Variants in CDC42SE1 observed in about 807,000 individuals in gnomAD.
CDC42SE1 encodes the protein CDC42 small effector 1.
CDC42SE1 carries 10 observed loss-of-function variants against 10.9 expected under a neutral mutation model. The observed-to-expected ratio is 0.92, with a 90% CI of 0.57 to 1.56. CDC42SE1 has a LOEUF of 1.56. Among genes scored for constraint, CDC42SE1 ranks in the 40% most tolerant of loss-of-function variants. CDC42SE1 has a pLI of 0.00. For missense variants in CDC42SE1, 81 were observed against 100.8 expected, an observed-to-expected ratio of 0.80 and a Z score of 0.84; for synonymous variants, 24 against 32.0, an observed-to-expected ratio of 0.75 and a Z score of 0.85.
rs1343760722 is a variant in CDC42SE1 at position 151,055,040 on chromosome 1, C to T, written c.141G>A (p.Met47Ile). 3.7e-6 allele frequency: 6 copies of T among 1,613,808 alleles called. No homozygotes were observed. In the African/African-American group the frequency reaches 4.0e-5, roughly 11 times the overall value. The change falls in exon 3 of 5, where the codon ATG (methionine) becomes ATA (isoleucine). Residue 47 changes from methionine (M) to isoleucine (I), a missense_variant. Coordinates refer to ENST00000357235, the MANE Select transcript of CDC42SE1 (RefSeq NM_020239.4). ...CCATGGCAAGTCCATCTCCGGCCCC[C>T]ATCTCCCCTGAGCCAATGTGAGTCA... ...VHLTHIGSGE[M>I]GAGDGLAMTG...
Position 151,055,909 on chromosome 1 carries a change from T to C in CDC42SE1, c.-179A>G, listed in dbSNP as rs954077277. The C allele has an allele frequency of 3.2e-6, 2 of 632,652 alleles. No individual in the cohort carries two copies. Among genetic ancestry groups the C allele is most frequent in the Admixed American group, 2.4e-5 (1 of 41,346 alleles). The allele number at this position is 632,652 out of a possible 1,614,324, so 39.2% of individuals were successfully genotyped here. A position where few individuals can be genotyped will look rare whatever the true frequency, so the allele number is the denominator to read the frequency against. The stretch of plus-strand genomic sequence containing the variant: ...CCTTTAACTGAGCAGTGAAGGTCAG[T>C]GTCTCAGAGCCTGAGAGATGAACAG... On this transcript the variant is annotated 5_prime_UTR_variant, in exon 2 of 5. Transcript: ENST00000357235.
chr1:151,058,895 G>A (rs746838597), intron 1 of CDC42SE1: 2 of 152,392 alleles, frequency 1.3e-5, no homozygotes, highest in Non-Finnish European at 2.9e-5. Flanking sequence ...AGAAAGAATC[G>A]AGAGAATGGC....
chr1:151,055,089 C>T lies in CDC42SE1; in HGVS notation c.92G>A (p.Gly31Glu). The change falls in exon 3 of 5, where the codon GGG (glycine) becomes GAG (glutamate). Residue 31 changes from glycine (G) to glutamate (E), a missense_variant. Physicochemically the swap from Gly to Glu is moderately conservative, Grantham distance 98. Transcript: ENST00000357235. ...CAGGTGAACAAAATTCATTGGTTCCCCAATCATGGTCCGGTCAATCCGTCT... is the reference window on the plus strand; with the variant it reads ...CAGGTGAACAAAATTCATTGGTTCCTCAATCATGGTCCGGTCAATCCGTCT... Reference protein sequence around the residue: ...KRRRIDRTMIGEPMNFVHLTH... With the variant: ...KRRRIDRTMIEEPMNFVHLTH... 1 of 1,613,562 alleles carries T rather than the reference C, an allele frequency of 6.2e-7. No individual in the cohort carries two copies. Among genetic ancestry groups the T allele is most frequent in the East Asian group, 2.2e-5 (1 of 44,840 alleles).
At position 151,055,049 on chromosome 1, in the gene CDC42SE1, T is replaced by G; in HGVS notation, c.132A>C (p.Ser44=). 1 of 1,613,792 alleles carries G rather than the reference T, an allele frequency of 6.2e-7. No individual in the cohort carries two copies. The highest frequency in any genetic ancestry group is 8.5e-7 in the Non-Finnish European group (1 of 1,179,896). The change falls in exon 3 of 5, where the codon TCA becomes TCC. Residue 44 remains serine (S), a synonymous_variant. Transcript: ENST00000357235. ...GTCCATCTCCGGCCCCCATCTCCCC[T>G]GAGCCAATGTGAGTCAGGTGAACAA... is the stretch of plus-strand genomic sequence containing the variant. The part of the protein sequence containing the change: ...MNFVHLTHIG[S]GEMGAGDGLA...
chr1:151,055,082 T>C lies in CDC42SE1; in HGVS notation c.99A>G (p.Pro33=). 6.2e-7 allele frequency: 1 copy of C among 1,613,722 alleles called. No homozygotes were observed. Among genetic ancestry groups the C allele is most frequent in the South Asian group, 1.1e-5 (1 of 91,070 alleles). Residue 33 remains proline, a synonymous_variant, in exon 3 of 5, where the codon CCA becomes CCG. Transcript: ENST00000357235. The stretch of plus-strand genomic sequence containing the variant: ...TGTGAGTCAGGTGAACAAAATTCAT[T>C]GGTTCCCCAATCATGGTCCGGTCAA... ...RRIDRTMIGE[P]MNFVHLTHIG...
Position 151,055,130 on chromosome 1 carries a change from C to G in CDC42SE1, c.55-4G>C. 1 of 1,606,438 alleles carries G rather than the reference C, an allele frequency of 6.2e-7. No homozygotes were observed. Among genetic ancestry groups the G allele is most frequent in the Non-Finnish European group, 8.5e-7 (1 of 1,173,634 alleles). On this transcript the variant is annotated splice_region_variant and splice_polypyrimidine_tract_variant and intron_variant, in intron 2 of 4. Coordinates refer to ENST00000357235, the MANE Select transcript of CDC42SE1 (RefSeq NM_020239.4). ...CAATCCGTCTTCTCTTCTTCTTCTG[C>G]TTGGAGAAGATAAGGAGTCATGTCT... is the stretch of plus-strand genomic sequence containing the variant.
chr1:151,056,217 C>G (rs765698623), intron 1 of CDC42SE1, among the ~76,000 whole-genome samples: 2 of 151,932 alleles, frequency 1.3e-5, no homozygotes, highest in Non-Finnish European at 2.9e-5. Flanking sequence ...GCTGGTGGTA[C>G]CAAGGGAGAG....
At chr1:151,054,400 A>T in intron 3 of CDC42SE1, 79 bp from the exon 4 acceptor site, 1 of 1,158,426 alleles carries the variant, frequency 8.6e-7, no homozygotes, top group Non-Finnish European at 1.3e-6. Flanking sequence ...CCTTCCAGGG[A>T]AGAGGCTGAC....
chr1:151,053,734 G>A (rs991530782), intron 4 of CDC42SE1, among the ~76,000 whole-genome samples: 2 of 151,980 alleles, frequency 1.3e-5, no homozygotes, highest in South Asian at 2.1e-4. Context: ...TGCTGACCTC[G>A]GCCTCCCAAA....
At chr1:151,055,538 C>T (rs1676262735) in intron 2 of CDC42SE1, 139 bp downstream of exon 2, 1 of 729,690 alleles carries the variant, frequency 1.4e-6, no homozygotes, top group Non-Finnish European at 2.5e-6. Flanking sequence ...TATACAGCTG[C>T]CTGACCATAG....
Position 151,055,741 on chromosome 1 carries a change from G to T in CDC42SE1, c.-11C>A. ...CCAAAATTCACTCATGTTCCCTGAT[G>T]GTTCCAGCTTCACTCCGCTGTCTGA... is the stretch of plus-strand genomic sequence containing the variant. On this transcript the variant is annotated 5_prime_UTR_variant, in exon 2 of 5. Transcript: ENST00000357235. 1 of 1,611,656 alleles carries T rather than the reference G, an allele frequency of 6.2e-7. No individual in the cohort carries two copies. Among genetic ancestry groups the T allele is most frequent in the Non-Finnish European group, 8.5e-7 (1 of 1,178,240 alleles).
At chr1:151,054,350 C>G in intron 3 of CDC42SE1, 29 bp from the exon 4 acceptor site, 1 of 1,545,562 alleles carries the variant, frequency 6.5e-7, no homozygotes, top group Non-Finnish European at 8.9e-7. Context: ...GAGACACCTT[C>G]GTAAGTCTTC....
In CDC42SE1 at chr1:151,057,697, ACACACACACACACAC is replaced by A. The variant is rs1406500944; in HGVS notation, c.-263-1719_-263-1705del. ...GACAAGACCCTGTCTCAAATACAAA[ACACACACACACACAC>A]ACACACACACACACACACACACACA... On this transcript the variant is annotated intron_variant, in intron 1 of 4. Transcript: ENST00000357235. The surrounding 1 kb of genome is among the most constrained non-coding windows in gnomAD (Gnocchi z 4.0). The A allele has an allele frequency of 0.019, 3 of 158 alleles. No individual in the cohort carries two copies. The highest frequency in any genetic ancestry group is 0.043 in the Non-Finnish European group (3 of 70). 0.0% of individuals were successfully genotyped at this position (158 alleles called of 1,614,324 possible). A position where few individuals can be genotyped will look rare whatever the true frequency, so the allele number is the denominator to read the frequency against.
intron 4 of CDC42SE1, among the ~76,000 whole-genome samples, 166 bp from the exon 5 acceptor site, chr1:151,053,493 T>A (rs1676222971): frequency 6.6e-6 from 1 of 152,198 alleles, no homozygotes; most frequent in Non-Finnish European, 1.5e-5. Context: ...ACATTCTTTT[T>A]TTTTTTGAGA....
rs1030139598 is a variant in CDC42SE1, at chr1:151,052,688, T to C, written c.*656A>G. 6.6e-6 allele frequency: 1 copy of C among 152,458 alleles called. No homozygotes were observed. Among genetic ancestry groups the C allele is most frequent in the African/African-American group, 2.4e-5 (1 of 41,446 alleles). 9.4% of individuals were successfully genotyped at this position (152,458 alleles called of 1,614,324 possible). On this transcript the variant is annotated 3_prime_UTR_variant, in exon 5 of 5. Coordinates refer to ENST00000357235, the MANE Select transcript of CDC42SE1 (RefSeq NM_020239.4). The stretch of plus-strand genomic sequence containing the variant: ...GAGAACCTGAATTAAATTTTTAATA[T>C]TTTAAAAAAGGAAAGTTGCTGGGAA...
rs774538612 is a variant in CDC42SE1, at chr1:151,057,537, G to A, written c.-263-1544C>T. On this transcript the variant is annotated intron_variant, in intron 1 of 4. Transcript: ENST00000357235. This position sits in a 1 kb window ranked among gnomAD's most constrained non-coding sequence, Gnocchi z 4.0. ...TCAAAAAAAACACACACAAAAAAAC[G>A]AGATAGCAGGGTGTGGTAGCATGTG... Among the ~76,000 whole-genome samples the A allele has an allele frequency of 2.6e-5, 4 of 151,558 alleles. No individual in the cohort carries two copies. Among genetic ancestry groups the A allele is most frequent in the Non-Finnish European group, 4.4e-5 (3 of 67,876 alleles).
rs1047308195 is a variant in CDC42SE1, at chr1:151,051,397, A to G, written c.*1947T>C. On this transcript the variant is annotated 3_prime_UTR_variant, in exon 5 of 5. Transcript: ENST00000357235. Reference sequence around the variant, plus strand: ...GCAGAAAATACATGGAAATTTGAAAAAAAAAAAAAAAAAAAAAAAAAAAGA... The same window carrying G: ...GCAGAAAATACATGGAAATTTGAAAGAAAAAAAAAAAAAAAAAAAAAAAGA... 7.2e-6 allele frequency: 1 copy of G among 138,988 alleles called. No homozygotes were observed. Among genetic ancestry groups the G allele is most frequent in the African/African-American group, 2.6e-5 (1 of 37,954 alleles). The allele number at this position is 138,988 out of a possible 1,614,324, so 8.6% of individuals were successfully genotyped here.
At position 151,054,331 on chromosome 1, in the gene CDC42SE1, A is replaced by C. The variant is rs758542502; in HGVS notation, c.166-10T>G. ...CCTGAACTGCACCTGTCTGTAAAAA[A>C]ACAGATGCGAGACACCTTCGTAAGT... On this transcript the variant is annotated splice_polypyrimidine_tract_variant and intron_variant, in intron 3 of 4. Coordinates refer to ENST00000357235, the MANE Select transcript of CDC42SE1 (RefSeq NM_020239.4). The C allele has an allele frequency of 6.2e-7, 1 of 1,609,078 alleles. No individual in the cohort carries two copies. The highest frequency in any genetic ancestry group is 8.5e-7 in the Non-Finnish European group (1 of 1,175,638).
chr1:151,053,301 A>G lies in CDC42SE1; in HGVS notation c.*43T>C, dbSNP rs144389163. 3,669 of 152,776 alleles carry G rather than the reference A, an allele frequency of 0.024. 68 individuals carry two copies. The highest frequency in any genetic ancestry group is 0.084 in the South Asian group (407 of 4,830). 9.5% of individuals were successfully genotyped at this position (152,776 alleles called of 1,614,324 possible). ...GCAGCATTTCTTCTGGGCTGGAAAC[A>G]GAATGGGGGTTTCAAGATGGCAGAA... On this transcript the variant is annotated 3_prime_UTR_variant, in exon 5 of 5. Transcript: ENST00000357235.
Sources: gnomAD v4.1 joint callset for allele counts (sites outside exome capture counted in the v4.1 genomes callset) on GRCh38, gnomAD v4.1.1 for gene constraint, Gnocchi (gnomAD v3.1) non-coding constraint, MANE v1.5 for transcripts, NCBI Gene and HGNC (gene_info 2026-07-23, HGNC 2026-07-21) for gene names.